ROBO2: variants seen among roughly 807,000 people sequenced by gnomAD.
ROBO2 encodes roundabout guidance receptor 2, also known as roundabout homolog 2.
Under a neutral mutation model 160.8 loss-of-function variants are expected in ROBO2, and 53 were observed. The ratio of observed to expected loss-of-function variants is 0.33; its 90% CI spans 0.26 to 0.41. The LOEUF is 0.41. Among genes scored for constraint, ROBO2 ranks in the 10% least tolerant of loss-of-function variants. ROBO2 has a pLI of 1.00. For synonymous variants in ROBO2, 664 were observed against 611.7 expected, an observed-to-expected ratio of 1.09 and a Z score of -1.26; for missense variants, 1,577 against 1,722.4, an observed-to-expected ratio of 0.92 and a Z score of 1.49.
intron 2 of ROBO2, among the ~76,000 whole-genome samples, chr3:75,985,358 A>G (rs1475118725): frequency 6.6e-6 from 1 of 151,610 alleles, no homozygotes; most frequent in East Asian, 1.9e-4. Flanking sequence ...AAAGACAGTG[A>G]TACATTCTGT....
intron 2 of ROBO2, among the ~76,000 whole-genome samples, chr3:76,929,436 A>G (rs1330729352): frequency 6.6e-6 from 1 of 152,168 alleles, no homozygotes; most frequent in African/African-American, 2.4e-5. Context: ...ATCCTGTGAC[A>G]CTATCTTCAA....
At chr3:76,473,819 C>T (rs1418780528) in intron 2 of ROBO2, among the ~76,000 whole-genome samples, 1 of 152,090 alleles carries the variant, frequency 6.6e-6, no homozygotes, top group Non-Finnish European at 1.5e-5. Flanking sequence ...CAAGAGAGAG[C>T]TATGAATGTA....
At chr3:77,131,596 G>A (rs2150355512) in intron 2 of ROBO2, among the ~76,000 whole-genome samples, 1 of 152,162 alleles carries the variant, frequency 6.6e-6, no homozygotes, top group South Asian at 2.1e-4. Flanking sequence ...GGGGAAATAT[G>A]TAACCTTCAA....
At chr3:76,986,723 A>G (rs2060400992) in intron 2 of ROBO2, among the ~76,000 whole-genome samples, 1 of 152,202 alleles carries the variant, frequency 6.6e-6, no homozygotes, top group Non-Finnish European at 1.5e-5. Flanking sequence ...AATATGAAAT[A>G]AAGTATGGAA....
chr3:75,944,785 A>G (rs967996738), intron 2 of ROBO2, among the ~76,000 whole-genome samples: 4 of 152,124 alleles, frequency 2.6e-5, no homozygotes, highest in Non-Finnish European at 1.5e-5. Flanking sequence ...TTGGGATGCA[A>G]TTGTTTTTCT....
chr3:76,709,881 T>A (rs1049137147), intron 2 of ROBO2, among the ~76,000 whole-genome samples: 2 of 152,310 alleles, frequency 1.3e-5, no homozygotes, highest in African/African-American at 4.8e-5. Context: ...TGGGGCTGCC[T>A]CTCAGCCAAT....
At chr3:76,570,630 CT>C (rs941382329) in intron 2 of ROBO2, among the ~76,000 whole-genome samples, 4 of 152,046 alleles carry the variant, frequency 2.6e-5, no homozygotes, top group Non-Finnish European at 5.9e-5. Context: ...ATTTGCTAAG[CT>C]TTTTTTAGAG....
chr3:77,456,458 A>G (rs1306760261), intron 2 of ROBO2, among the ~76,000 whole-genome samples: 1 of 152,224 alleles, frequency 6.6e-6, no homozygotes, highest in Non-Finnish European at 1.5e-5. Flanking sequence ...AATAAAAGCT[A>G]AAGGATATAC....
At chr3:76,066,504 T>A (rs893861051) in intron 2 of ROBO2, among the ~76,000 whole-genome samples, 1 of 152,084 alleles carries the variant, frequency 6.6e-6, no homozygotes, top group Admixed American at 6.6e-5. Flanking sequence ...ATAAGACTAA[T>A]AAGTTTTTGC....
At chr3:77,579,896 C>T in intron 15 of ROBO2, 51 bp from the exon 17 acceptor site, 1 of 1,506,886 alleles carries the variant, frequency 6.6e-7, no homozygotes, top group South Asian at 1.1e-5. Context: ...AGTCTCGTTA[C>T]CAGAAACGAT....
intron 2 of ROBO2, among the ~76,000 whole-genome samples, chr3:76,903,695 G>C (rs1043675041): frequency 6.6e-6 from 1 of 152,056 alleles, no homozygotes; most frequent in Non-Finnish European, 1.5e-5. Context: ...TTATTTTGAG[G>C]GAACCAGGGA....
At chr3:77,574,878 T>G in intron 14 of ROBO2, 148 bp downstream of exon 15, 1 of 669,734 alleles carries the variant, frequency 1.5e-6, no homozygotes, top group Non-Finnish European at 2.6e-6. Flanking sequence ...TTCTGAGAAT[T>G]CTATAGAATC....
At chr3:76,515,191 C>A (rs2081289765) in intron 2 of ROBO2, among the ~76,000 whole-genome samples, 1 of 152,018 alleles carries the variant, frequency 6.6e-6, no homozygotes, top group African/African-American at 2.4e-5. Context: ...AGCTATAGTT[C>A]TTTTTTAACC....
At chr3:77,286,331 A>T (rs537513640) in intron 2 of ROBO2, among the ~76,000 whole-genome samples, 1 of 139,274 alleles carries the variant, frequency 7.2e-6, no homozygotes, top group Non-Finnish European at 1.5e-5. Context: ...ATCTCTGCTC[A>T]CTGCAACCTC....
At chr3:76,202,758 G>A (rs1272064918) in intron 2 of ROBO2, among the ~76,000 whole-genome samples, 1 of 152,142 alleles carries the variant, frequency 6.6e-6, no homozygotes, top group East Asian at 1.9e-4. Flanking sequence ...TGATGGAACT[G>A]ACCACTGGTG....
chr3:76,133,706 G>A (rs536800702), intron 2 of ROBO2, among the ~76,000 whole-genome samples: 1 of 152,212 alleles, frequency 6.6e-6, no homozygotes, highest in Admixed American at 6.5e-5. Flanking sequence ...GATGTTCGAA[G>A]GCAGGAAGCA....
At chr3:76,595,091 A>G (rs542309805) in intron 2 of ROBO2, among the ~76,000 whole-genome samples, 2 of 152,058 alleles carry the variant, frequency 1.3e-5, no homozygotes, top group African/African-American at 4.8e-5. Context: ...TGCAAACCAG[A>G]AAGAGTGTCC....
chr3:76,388,170 T>G (rs1289432116), intron 2 of ROBO2, among the ~76,000 whole-genome samples: 1 of 152,212 alleles, frequency 6.6e-6, no homozygotes, highest in Non-Finnish European at 1.5e-5. Flanking sequence ...AATTTTAACT[T>G]TTAGTAATAA....
intron 2 of ROBO2, among the ~76,000 whole-genome samples, chr3:76,507,199 G>T (rs915518688): frequency 3.3e-5 from 5 of 152,014 alleles, no homozygotes; most frequent in Admixed American, 2.0e-4. Flanking sequence ...TATCAAAAGA[G>T]AATTATTTAA....
Sources: allele counts gnomAD v4.1 joint callset (sites outside exome capture counted in the v4.1 genomes callset), GRCh38; gene constraint gnomAD v4.1.1; transcripts MANE v1.5; gene names NCBI Gene and HGNC (gene_info 2026-07-23, HGNC 2026-07-21).